PTPN2: variants seen among roughly 807,000 people sequenced by gnomAD.
PTPN2 encodes the protein protein tyrosine phosphatase non-receptor type 2.
In PTPN2, 19 loss-of-function variants were observed where a neutral mutation model predicts 57.3. The observed-to-expected ratio is 0.33, with a 90% CI of 0.23 to 0.49. The LOEUF (loss-of-function observed/expected upper bound fraction) is 0.49, where lower values mean the gene tolerates loss of function less well. PTPN2 is among the 20% of genes least tolerant of loss of function. The pLI is 0.99. For missense variants in PTPN2, 358 were observed against 501.1 expected (o/e 0.71, Z 2.73); for synonymous variants, 153 against 164.9 (o/e 0.93, Z 0.55).
chr18:12,863,165 C>G (rs748539839), intron 1 of PTPN2: 8 of 152,100 alleles, frequency 5.3e-5, no homozygotes, highest in Admixed American at 2.6e-4. Flanking sequence ...TCACAGATTC[C>G]GAATGTTTCC....
chr18:12,866,611 T>C (rs1391661549), intron 1 of PTPN2, among the ~76,000 whole-genome samples: 1 of 152,182 alleles, frequency 6.6e-6, no homozygotes, highest in African/African-American at 2.4e-5. Context: ...ACCCAGTCTC[T>C]CCTTGGGGTG....
intron 1 of PTPN2, among the ~76,000 whole-genome samples, chr18:12,871,325 C>A (rs1434745509): frequency 1.3e-5 from 2 of 152,146 alleles, no homozygotes; most frequent in Non-Finnish European, 2.9e-5. Flanking sequence ...GCCTGAGCTT[C>A]ACCTACACAA....
At position 12,859,202 on chromosome 18, in the gene PTPN2, T is replaced by C. The variant is rs2043702565; in HGVS notation, c.122A>G (p.Glu41Gly). The C allele has an allele frequency of 1.9e-6, 3 of 1,613,646 alleles. No individual in the cohort carries two copies. Among genetic ancestry groups the C allele is most frequent in the Non-Finnish European group, 2.5e-6 (3 of 1,179,626 alleles). Residue 41 changes from glutamate (E) to glycine (G), a missense_variant, in exon 2 of 9, where the codon GAA becomes GGA. Glu to Gly is a moderately conservative substitution (Grantham distance 98, BLOSUM62 -2). This residue lies in a region of PTPN2 where 193 missense variants were observed against 315.4 expected (regional missense o/e 0.61). Coordinates refer to ENST00000309660, the MANE Select transcript of PTPN2 (RefSeq NM_002828.4). The part of the protein sequence containing the change: ...DYPHRVAKFP[E>G]NRNRNRYRDV... Reference sequence around the variant, plus strand: ...TCTGTATCTGTTTCGATTTCTGTTTTCTGGAAACTTGGCCACTCTATGAGG... The same window carrying C: ...TCTGTATCTGTTTCGATTTCTGTTTCCTGGAAACTTGGCCACTCTATGAGG...
intron 5 of PTPN2, among the ~76,000 whole-genome samples, chr18:12,824,088 T>C (rs2042363557): frequency 6.6e-6 from 1 of 152,332 alleles, no homozygotes; most frequent in Non-Finnish European, 1.5e-5. Context: ...TACAGTTCTG[T>C]TTCTGGGAAT....
intron 1 of PTPN2, among the ~76,000 whole-genome samples, chr18:12,873,617 T>G (rs1598893852): frequency 6.6e-6 from 1 of 152,194 alleles, no homozygotes; most frequent in African/African-American, 2.4e-5. Context: ...TGGAGTGCAG[T>G]GGCGTGATCT....
chr18:12,876,296 A>AAGAAGAAGAAGAAG, intron 1 of PTPN2, among the ~76,000 whole-genome samples: 1 of 145,188 alleles, frequency 6.9e-6, no homozygotes, highest in African/African-American at 2.7e-5. Context: ...ACAACAACAA[A>AAGAAGAAGAAGAAG]AAGAAGAAGA....
intron 1 of PTPN2, among the ~76,000 whole-genome samples, chr18:12,876,758 C>T (rs914778455): frequency 2.0e-5 from 3 of 152,194 alleles, no homozygotes; most frequent in African/African-American, 7.2e-5. Context: ...TACCTGGGAA[C>T]ACACGTACAT....
At chr18:12,818,326 T>A (rs1029421596) in intron 5 of PTPN2, among the ~76,000 whole-genome samples, 3 of 152,244 alleles carry the variant, frequency 2.0e-5, no homozygotes, top group Non-Finnish European at 4.4e-5. Context: ...TTTATATTTT[T>A]AATTGGAATT....
chr18:12,876,296 A>AAGAAGAAGAAG (rs2044486797), intron 1 of PTPN2, among the ~76,000 whole-genome samples: 7 of 145,074 alleles, frequency 4.8e-5, no homozygotes, highest in Non-Finnish European at 8.9e-5. Flanking sequence ...ACAACAACAA[A>AAGAAGAAGAAG]AAGAAGAAGA....
At chr18:12,807,605 A>ATATATATATATATATATATATATATATAT (rs1555660843) in intron 7 of PTPN2, among the ~76,000 whole-genome samples, 1 of 110,512 alleles carries the variant, frequency 9.0e-6, no homozygotes, top group Non-Finnish European at 1.9e-5. Flanking sequence ...ATATATATAT[A>ATATATATATATATATATATATATATATAT]ATATAATACT....
At chr18:12,806,427 T>C (rs1022352350) in intron 7 of PTPN2, among the ~76,000 whole-genome samples, 1 of 152,188 alleles carries the variant, frequency 6.6e-6, no homozygotes, top group Non-Finnish European at 1.5e-5. Flanking sequence ...ACCAATGATA[T>C]TCTTCACAGA....
At chr18:12,816,018 CT>C (rs2042062908) in intron 6 of PTPN2, among the ~76,000 whole-genome samples, 1 of 152,098 alleles carries the variant, frequency 6.6e-6, no homozygotes, top group Non-Finnish European at 1.5e-5. Context: ...GAACACCAGT[CT>C]TGTGTCAAGC....
chr18:12,882,750 A>G (rs6505769), intron 1 of PTPN2, among the ~76,000 whole-genome samples: 20,453 of 152,228 alleles, frequency 0.13, 2,758 homozygotes, highest in African/African-American at 0.35. Flanking sequence ...ACTTCCCACT[A>G]ATGTGTTCAA....
chr18:12,882,317 C>T (rs950167852), intron 1 of PTPN2, among the ~76,000 whole-genome samples: 1 of 152,124 alleles, frequency 6.6e-6, no homozygotes, highest in African/African-American at 2.4e-5. Flanking sequence ...CAGGATTCCT[C>T]GGTAAGAATC....
At chr18:12,875,357 T>C (rs1358757102) in intron 1 of PTPN2, among the ~76,000 whole-genome samples, 1 of 152,156 alleles carries the variant, frequency 6.6e-6, no homozygotes, top group Non-Finnish European at 1.5e-5. Context: ...TTTAGTTTTC[T>C]TCTACTCAGG....
At chr18:12,879,934 A>T (rs187187548) in intron 1 of PTPN2, among the ~76,000 whole-genome samples, 2 of 152,136 alleles carry the variant, frequency 1.3e-5, no homozygotes, top group African/African-American at 4.8e-5. Context: ...CACCTTAAAC[A>T]CTTTTTTCCT....
chr18:12,854,229 A>C (rs994640015), intron 2 of PTPN2, among the ~76,000 whole-genome samples: 1 of 151,906 alleles, frequency 6.6e-6, no homozygotes, highest in Admixed American at 6.6e-5. Flanking sequence ...GCATGGTGGC[A>C]TGCACCTGTA....
At chr18:12,865,869 A>G (rs2043974871) in intron 1 of PTPN2, among the ~76,000 whole-genome samples, 1 of 152,164 alleles carries the variant, frequency 6.6e-6, no homozygotes, top group Non-Finnish European at 1.5e-5. Flanking sequence ...GCCACTTTAG[A>G]AAAACAAATG....
intron 1 of PTPN2, among the ~76,000 whole-genome samples, chr18:12,873,522 G>A (rs548904433): frequency 2.0e-4 from 30 of 152,342 alleles, no homozygotes; most frequent in South Asian, 6.2e-4. Context: ...GCTCCTAACC[G>A]CGAGTGATCC....
Sources: gnomAD v4.1 joint callset for allele counts (sites outside exome capture counted in the v4.1 genomes callset) on GRCh38, gnomAD v4.1.1 for gene constraint, gnomAD v4.1.1 regional missense constraint, MANE v1.5 for transcripts, NCBI Gene and HGNC (gene_info 2026-07-23, HGNC 2026-07-21) for gene names.